Variants in NUFIP1 observed in about 807,000 individuals in gnomAD.
NUFIP1 encodes FMR1-interacting protein NUFIP1.
Under a neutral mutation model 56.2 loss-of-function variants are expected in NUFIP1, and 38 were observed. The ratio of observed to expected loss-of-function variants is 0.68; its 90% CI spans 0.52 to 0.89. NUFIP1 has a LOEUF of 0.89. Ranked by LOEUF, NUFIP1 falls within the 40% of genes least tolerant of loss-of-function variation. The pLI is 0.00. For synonymous variants in NUFIP1, 215 were observed against 212.4 expected, an observed-to-expected ratio of 1.01 and a Z score of -0.10; for missense variants, 567 against 605.8, an observed-to-expected ratio of 0.94 and a Z score of 0.67.
intron 5 of NUFIP1, among the ~76,000 whole-genome samples, chr13:44,974,906 C>G (rs905844223): frequency 2.0e-5 from 3 of 152,158 alleles, no homozygotes; most frequent in African/African-American, 7.2e-5. Flanking sequence ...AGACAGATGG[C>G]ACAGAGCTCA....
intron 8 of NUFIP1, among the ~76,000 whole-genome samples, chr13:44,945,948 C>T (rs892846586): frequency 6.6e-6 from 1 of 152,016 alleles, no homozygotes; most frequent in Non-Finnish European, 1.5e-5. Context: ...AGTATAGGGA[C>T]AAGTGTTAAA....
At chr13:44,948,141 C>CTTTTTTT (rs61398364) in intron 8 of NUFIP1, among the ~76,000 whole-genome samples, 2 of 120,856 alleles carry the variant, frequency 1.7e-5, no homozygotes, top group African/African-American at 3.6e-5. Context: ...ACTACATTTC[C>CTTTTTTT]TTTTTTTTTT....
In NUFIP1 at chr13:44,940,290, G is replaced by T. The variant is rs1037440543; in HGVS notation, c.*916C>A. 2.6e-5 allele frequency: 4 copies of T among 152,192 alleles called. No homozygotes were observed. Among genetic ancestry groups the T allele is most frequent in the Non-Finnish European group, 4.4e-5 (3 of 68,036 alleles). The allele number at this position is 152,192 out of a possible 1,614,324, so 9.4% of individuals were successfully genotyped here. A position where few individuals can be genotyped will look rare whatever the true frequency, so the allele number is the denominator to read the frequency against. ...ACGTCACTAGGGTCACATGCCAGGT[G>T]TTCCAAGATTCTGGAGAGGATTTTA... On this transcript the variant is annotated 3_prime_UTR_variant, in exon 10 of 10. Transcript: ENST00000379161.
chr13:44,976,234 G>A (rs749187033), intron 5 of NUFIP1, among the ~76,000 whole-genome samples: 5 of 152,034 alleles, frequency 3.3e-5, no homozygotes, highest in Non-Finnish European at 4.4e-5. Flanking sequence ...TATCAGAAAC[G>A]AAGTGGAGTT....
At chr13:44,942,966 T>A (rs1224371202) in intron 9 of NUFIP1, among the ~76,000 whole-genome samples, 1 of 137,146 alleles carries the variant, frequency 7.3e-6, no homozygotes, top group African/African-American at 2.7e-5. Context: ...ACCTCAACTC[T>A]TAAAAAAAAA....
intron 1 of NUFIP1, among the ~76,000 whole-genome samples, chr13:44,986,310 C>A (rs1458217651): frequency 1.3e-5 from 2 of 152,122 alleles, no homozygotes; most frequent in Admixed American, 6.5e-5. Flanking sequence ...AGAAGAAATT[C>A]CAACCCTCAT....
At chr13:44,965,980 C>T in intron 5 of NUFIP1, 44 bp from the exon 6 acceptor site, 1 of 1,181,032 alleles carries the variant, frequency 8.5e-7, no homozygotes, top group African/African-American at 1.6e-5. Context: ...TTTTAGAGTA[C>T]AATTTTAAAT....
At chr13:44,960,264 C>G (rs376735542) in intron 6 of NUFIP1, among the ~76,000 whole-genome samples, 80 of 150,948 alleles carry the variant, frequency 5.3e-4, no homozygotes, top group African/African-American at 1.9e-3. Context: ...AGTATGTTCA[C>G]TCTTGTCTAC....
intron 8 of NUFIP1, among the ~76,000 whole-genome samples, chr13:44,943,989 T>A: frequency 6.6e-6 from 1 of 152,100 alleles, no homozygotes; most frequent in South Asian, 2.1e-4. Flanking sequence ...AGTAAATATG[T>A]GAATAAATAT....
rs374811062 is a variant in NUFIP1 at position 44,989,403 on chromosome 13, T to C, written c.34A>G (p.Ile12Val). 22 of 1,613,500 alleles carry C rather than the reference T, an allele frequency of 1.4e-5. No individual in the cohort carries two copies. The highest frequency in any genetic ancestry group is 1.6e-4 in the Middle Eastern group (1 of 6,082). The change falls in exon 1 of 10, where the codon ATC (isoleucine) becomes GTC (valine). Residue 12 changes from isoleucine (I) to valine (V), a missense_variant. By Grantham distance (29) the Ile-to-Val change is conservative. Transcript: ENST00000379161. The part of the protein sequence containing the change: ...AEPTSDFETP[I>V]GWHASPELTP... Reference sequence around the variant, plus strand: ...AGCTCGGGAGACGCATGCCACCCGATAGGAGTCTCGAAATCACTAGTCGGC... The same window carrying C: ...AGCTCGGGAGACGCATGCCACCCGACAGGAGTCTCGAAATCACTAGTCGGC...
intron 1 of NUFIP1, among the ~76,000 whole-genome samples, chr13:44,983,753 T>C (rs1393456642): frequency 6.6e-6 from 1 of 152,164 alleles, no homozygotes; most frequent in Non-Finnish European, 1.5e-5. Flanking sequence ...GCCATATATG[T>C]GCCACTGCAC....
intron 8 of NUFIP1, among the ~76,000 whole-genome samples, chr13:44,947,211 A>G (rs141769953): frequency 2.3e-4 from 35 of 150,714 alleles, no homozygotes; most frequent in Admixed American, 9.2e-4. Context: ...GGTCTGCTAC[A>G]TACCAGCTTG....
At chr13:44,963,443 T>G (rs968495432) in intron 6 of NUFIP1, among the ~76,000 whole-genome samples, 13 of 152,346 alleles carry the variant, frequency 8.5e-5, no homozygotes, top group African/African-American at 3.1e-4. Flanking sequence ...GACATCCTTA[T>G]CTTGCTTCTA....
chr13:44,986,020 G>C (rs1399311105), intron 1 of NUFIP1, among the ~76,000 whole-genome samples: 1 of 152,182 alleles, frequency 6.6e-6, no homozygotes, highest in Non-Finnish European at 1.5e-5. Flanking sequence ...TAAAGGTGCA[G>C]TCATAGCTCA....
At chr13:44,962,592 C>T (rs551429557) in intron 6 of NUFIP1, among the ~76,000 whole-genome samples, 23 of 152,286 alleles carry the variant, frequency 1.5e-4, no homozygotes, top group Non-Finnish European at 2.9e-4. Flanking sequence ...AATGTCATAA[C>T]ATCATAAAGT....
chr13:44,941,917 T>G (rs1407061558), intron 9 of NUFIP1, among the ~76,000 whole-genome samples: 2 of 151,372 alleles, frequency 1.3e-5, no homozygotes, highest in African/African-American at 4.9e-5. Context: ...TGCGATTCTT[T>G]TTTTTTTGAG....
rs1872571616 is a variant in NUFIP1 at position 44,989,344 on chromosome 13, G to A, written c.93C>T (p.Ala31=). The change falls in exon 1 of 10, where the codon GCC becomes GCT. Residue 31 remains alanine (A), a synonymous_variant. Coordinates refer to ENST00000379161, the MANE Select transcript of NUFIP1 (RefSeq NM_012345.3). The part of the protein sequence containing the change: ...TPTLGPLSDT[A]PPRDSWMFWA... ...AGAACATCCAGCTGTCCCGCGGCGGGGCAGTGTCGCTCAGGGGCCCTAACG... is the reference window on the plus strand; with the variant it reads ...AGAACATCCAGCTGTCCCGCGGCGGAGCAGTGTCGCTCAGGGGCCCTAACG... 1.2e-6 allele frequency: 2 copies of A among 1,613,118 alleles called. No individual in the cohort carries two copies. The highest frequency in any genetic ancestry group is 1.3e-5 in the African/African-American group (1 of 74,928).
intron 7 of NUFIP1, among the ~76,000 whole-genome samples, chr13:44,956,249 T>C (rs1336086514): frequency 6.7e-6 from 1 of 148,830 alleles, no homozygotes; most frequent in African/African-American, 2.5e-5. Context: ...TGGGCCATGG[T>C]TTGGACAAGC....
At chr13:44,981,921 T>TCATGTTTAACATAATACATAAAA in intron 2 of NUFIP1, 151 bp downstream of exon 2, 1 of 379,576 alleles carries the variant, frequency 2.6e-6, no homozygotes, top group Non-Finnish European at 4.8e-6. Context: ...TTTGCTATAT[T>TCATGTTTAACATAATACATAAAA]CATGTTTAAC....
Sources: allele counts gnomAD v4.1 joint callset (sites outside exome capture counted in the v4.1 genomes callset), GRCh38; gene constraint gnomAD v4.1.1; transcripts MANE v1.5; gene names NCBI Gene and HGNC (gene_info 2026-07-23, HGNC 2026-07-21).